PLEKHG4B: variants seen among roughly 807,000 people sequenced by gnomAD.
PLEKHG4B encodes pleckstrin homology and RhoGEF domain containing G4B, also known as pleckstrin homology domain-containing family G member 4B.
A neutral mutation model predicts 121.3 loss-of-function variants in PLEKHG4B; 111 were observed. The observed-to-expected ratio is 0.92, with a 90% CI of 0.78 to 1.07. The LOEUF is 1.07. Ranked by LOEUF, PLEKHG4B falls within the 50% of genes least tolerant of loss-of-function variation. The pLI is 0.00. For missense variants in PLEKHG4B, 1,831 were observed against 1,757.8 expected (o/e 1.04, Z -0.74); for synonymous variants, 738 against 725.0 (o/e 1.02, Z -0.29).
In PLEKHG4B at chr5:127,579, C is replaced by T. The variant is rs1018287595; in HGVS notation, c.244-11904C>T. Among the ~76,000 whole-genome samples, 7 of 152,100 alleles carry T rather than the reference C, an allele frequency of 4.6e-5. No homozygotes were observed. The South Asian group carries it at 8.3e-4, about 18-fold the overall frequency. On this transcript the variant is annotated intron_variant, in intron 2 of 19. Transcript: ENST00000637938. ...AAAAATGAAAGGGGTGGCAAAAGGG[C>T]ATCACCTCTTTAAATCCCCTGGAAG...
In PLEKHG4B at chr5:142,964, G is replaced by T. The variant is rs561094131; in HGVS notation, c.1478-83G>T. On this transcript the variant is annotated intron_variant, in intron 3 of 19. Transcript: ENST00000637938. ...CTTTCATGCGTGTTTTTGTCCCATG[G>T]TTCATAGCAAGCTGAGCATAGCAGC... is the stretch of plus-strand genomic sequence containing the variant. 1.3e-5 allele frequency: 17 copies of T among 1,337,514 alleles called. No individual in the cohort carries two copies. In the African/African-American group the frequency reaches 1.9e-4, roughly 15 times the overall value. 82.9% of individuals were successfully genotyped at this position (1,337,514 alleles called of 1,614,324 possible).
At position 140,140 on chromosome 5, in the gene PLEKHG4B, C is replaced by T. The variant is rs1735110424; in HGVS notation, c.901C>T (p.Pro301Ser). ...VSPSEQGPRM[P>S]PENCGGSGER... is the part of the protein sequence containing the mutation. The stretch of plus-strand genomic sequence containing the variant: ...CCCCTCAGAGCAGGGCCCACGGATG[C>T]CCCCTGAGAACTGTGGGGGGTCGGG... Residue 301 changes from proline to serine, a missense_variant, in exon 3 of 20, where the codon CCC becomes TCC. Physicochemically the swap from Pro to Ser is moderately conservative, Grantham distance 74 (BLOSUM62 -1). Coordinates refer to ENST00000637938, the MANE Select transcript of PLEKHG4B (RefSeq NM_052909.5). The T allele has an allele frequency of 3.1e-6, 2 of 647,438 alleles. No individual in the cohort carries two copies. Among genetic ancestry groups the T allele is most frequent in the Admixed American group, 3.6e-5 (1 of 28,046 alleles). 40.1% of individuals were successfully genotyped at this position (647,438 alleles called of 1,614,324 possible).
At chr5:149,523 A>G (rs1481638647) in intron 6 of PLEKHG4B, among the ~76,000 whole-genome samples, 1 of 151,792 alleles carries the variant, frequency 6.6e-6, no homozygotes. Context: ...TATGGATGAC[A>G]GAGAGAGACC....
At chr5:120,909 G>C in intron 2 of PLEKHG4B, among the ~76,000 whole-genome samples, 1 of 152,156 alleles carries the variant, frequency 6.6e-6, no homozygotes, top group East Asian at 1.9e-4. Flanking sequence ...GGCAGATGAA[G>C]TAGATGAAGA....
intron 1 of PLEKHG4B, among the ~76,000 whole-genome samples, chr5:111,751 C>T (rs1402108789): frequency 1.3e-5 from 2 of 152,300 alleles, no homozygotes; most frequent in African/African-American, 4.8e-5. Context: ...ACAGGCCATT[C>T]GAGATGCCTC....
chr5:129,085 C>A (rs1379783958), intron 2 of PLEKHG4B, among the ~76,000 whole-genome samples: 1 of 152,192 alleles, frequency 6.6e-6, no homozygotes, highest in African/African-American at 2.4e-5. Flanking sequence ...AAATAGATTT[C>A]TTTGCCATAT....
Position 156,105 on chromosome 5 carries a change from T to C in PLEKHG4B, c.2243T>C (p.Met748Thr), listed in dbSNP as rs1289275206. 1.3e-6 allele frequency: 2 copies of C among 1,598,914 alleles called. No individual in the cohort carries two copies. Among genetic ancestry groups the C allele is most frequent in the Admixed American group, 1.7e-5 (1 of 58,902 alleles). ...GAGTTAATTGACCAGCATGAGACGA[T>C]GATGAAGCTTGTCCTGGAAGACCCA... ...VAELIDQHET[M>T]MKLVLEDPLL... Residue 748 changes from methionine (M) to threonine (T), a missense_variant, in exon 10 of 20, where the codon ATG becomes ACG. Physicochemically the swap from Met to Thr is moderately conservative, Grantham distance 81. Coordinates refer to ENST00000637938, the MANE Select transcript of PLEKHG4B (RefSeq NM_052909.5). The surrounding 1 kb of genome is among the most constrained non-coding windows in gnomAD (Gnocchi z 4.4).
intron 18 of PLEKHG4B, among the ~76,000 whole-genome samples, chr5:180,024 G>A (rs557339965): frequency 6.6e-6 from 1 of 152,280 alleles, no homozygotes; most frequent in African/African-American, 2.4e-5. Context: ...GCCTGTCTGA[G>A]ACGTCCAAAC....
intron 1 of PLEKHG4B, among the ~76,000 whole-genome samples, chr5:101,291 G>A (rs532627282): frequency 6.6e-4 from 69 of 104,928 alleles, no homozygotes; most frequent in South Asian, 3.1e-3. Context: ...AAAGCCCTGG[G>A]AAAAGCCTGT....
chr5:162,876 A>C lies in PLEKHG4B; in HGVS notation c.2804A>C (p.Lys935Thr). The change falls in exon 13 of 20, where the codon AAA (lysine) becomes ACA (threonine). Residue 935 changes from lysine to threonine, a missense_variant. Lys to Thr is a moderately conservative substitution (Grantham distance 78). Coordinates refer to ENST00000637938, the MANE Select transcript of PLEKHG4B (RefSeq NM_052909.5). ...GTGCTGAAGCCTCATGCCCTGGGGA[A>C]ACCGTGGGCATCACAGCAAGACCTG... is the stretch of plus-strand genomic sequence containing the variant. Reference protein sequence around the residue: ...VAVLKPHALGKPWASQQDLWL... With the variant: ...VAVLKPHALGTPWASQQDLWL... 1 of 1,518,950 alleles carries C rather than the reference A, an allele frequency of 6.6e-7. No homozygotes were observed. Among genetic ancestry groups the C allele is most frequent in the Non-Finnish European group, 8.8e-7 (1 of 1,131,920 alleles). The allele number at this position is 1,518,950 out of a possible 1,614,324, so 94.1% of individuals were successfully genotyped here.
chr5:173,666 GCTCACAAGCAGTCA>G (rs1273169584), intron 17 of PLEKHG4B, among the ~76,000 whole-genome samples: 1 of 151,184 alleles, frequency 6.6e-6, no homozygotes, highest in African/African-American at 2.4e-5. Flanking sequence ...TCCTTTGCAC[GCTCACAAGCAGTCA>G]CTCACGAGCA....
At chr5:151,015 C>G (rs1272422175) in intron 6 of PLEKHG4B, among the ~76,000 whole-genome samples, 1 of 152,172 alleles carries the variant, frequency 6.6e-6, no homozygotes, top group Admixed American at 6.5e-5. Context: ...AACAGAGGAA[C>G]AAACCGTTGA....
At chr5:127,787 T>C (rs1287173532) in intron 2 of PLEKHG4B, among the ~76,000 whole-genome samples, 1 of 152,218 alleles carries the variant, frequency 6.6e-6, no homozygotes, top group Non-Finnish European at 1.5e-5. Flanking sequence ...CATGAGTGAC[T>C]ATGGCCCCTG....
intron 1 of PLEKHG4B, among the ~76,000 whole-genome samples, chr5:97,401 A>ATGGTTT (rs1299768515): frequency 2.6e-5 from 4 of 152,076 alleles, no homozygotes; most frequent in African/African-American, 7.2e-5. Context: ...CAGGCTCCAG[A>ATGGTTT]TCGTTTTCCT....
At position 157,394 on chromosome 5, in the gene PLEKHG4B, A is replaced by G. The variant is rs1261335717; in HGVS notation, c.2487+483A>G. Among the ~76,000 whole-genome samples, 1 of 152,136 alleles carries G rather than the reference A, an allele frequency of 6.6e-6. No individual in the cohort carries two copies. The highest frequency in any genetic ancestry group is 2.4e-5 in the African/African-American group (1 of 41,434). On this transcript the variant is annotated intron_variant, in intron 11 of 19. Transcript: ENST00000637938. This position sits in a 1 kb window ranked among gnomAD's most constrained non-coding sequence, Gnocchi z 4.6. ...CTCAAGGTTTTAAAGAAAAGAGGAC[A>G]AATCGGGAGGGGGTGATGACGGAAG...
chr5:142,572 C>T (rs560931435), intron 3 of PLEKHG4B, among the ~76,000 whole-genome samples: 1 of 151,878 alleles, frequency 6.6e-6, no homozygotes, highest in Admixed American at 6.6e-5. Context: ...AGTCACACAC[C>T]ACACGCAGTC....
In PLEKHG4B at chr5:106,611, A is replaced by G. The variant is rs144528018; in HGVS notation, c.46-6640A>G. 1.9e-3 allele frequency among the ~76,000 whole-genome samples: 287 copies of G among 152,346 alleles called. 1 individual carries two copies. Among genetic ancestry groups the G allele is most frequent in the African/African-American group, 6.6e-3 (274 of 41,576 alleles). ...TCAAAACCTGAAACAAATTTCAGTT[A>G]GAGGTTTTTGTCAGGACCCCACTCT... On this transcript the variant is annotated intron_variant, in intron 1 of 19. Coordinates refer to ENST00000637938, the MANE Select transcript of PLEKHG4B (RefSeq NM_052909.5).
intron 13 of PLEKHG4B, among the ~76,000 whole-genome samples, chr5:164,758 C>G (rs75538478): frequency 0.015 from 691 of 45,024 alleles, no homozygotes; most frequent in Middle Eastern, 0.026. Flanking sequence ...TCACAGTAAT[C>G]CTCTGACGGG....
chr5:104,175 C>G (rs1733906057), intron 1 of PLEKHG4B, among the ~76,000 whole-genome samples: 1 of 148,744 alleles, frequency 6.7e-6, no homozygotes, highest in Non-Finnish European at 1.5e-5. Context: ...CAGCCAGTCC[C>G]AGCACCGATT....
Sources: gnomAD v4.1 joint callset for allele counts (sites outside exome capture counted in the v4.1 genomes callset) on GRCh38, gnomAD v4.1.1 for gene constraint, Gnocchi (gnomAD v3.1) non-coding constraint, MANE v1.5 for transcripts, NCBI Gene and HGNC (gene_info 2026-07-23, HGNC 2026-07-21) for gene names.